The following BAIAP2L1 variants were observed in gnomAD, a reference collection of about 807,000 sequenced individuals.
BAIAP2L1 encodes BAR/IMD domain containing adaptor protein 2 like 1.
BAIAP2L1 carries 35 observed loss-of-function variants against 66.3 expected under a neutral mutation model. That is an observed-to-expected ratio of 0.53 (90% CI 0.40 to 0.70). The LOEUF is 0.70. BAIAP2L1 is among the 30% of genes least tolerant of loss of function. The pLI, the probability that BAIAP2L1 is intolerant of heterozygous loss-of-function variation, is 0.00. For synonymous variants in BAIAP2L1, 269 were observed against 248.7 expected (o/e 1.08, Z -0.77); for missense variants, 622 against 656.9 (o/e 0.95, Z 0.58).
chr7:98,362,820 G>T (rs985227182), intron 1 of BAIAP2L1, among the ~76,000 whole-genome samples: 2 of 152,136 alleles, frequency 1.3e-5, no homozygotes, highest in African/African-American at 4.8e-5. Flanking sequence ...TCAGCTACCT[G>T]TACTTACTTA....
At chr7:98,400,054 C>T (rs1803316805) in intron 1 of BAIAP2L1, 1 of 151,794 alleles carries the variant, frequency 6.6e-6, no homozygotes. Flanking sequence ...GAAACTCGAG[C>T]TTGTGTCTTT....
intron 1 of BAIAP2L1, among the ~76,000 whole-genome samples, chr7:98,373,120 A>G (rs1802547890): frequency 1.3e-5 from 2 of 152,138 alleles, no homozygotes; most frequent in Non-Finnish European, 2.9e-5. Context: ...GACTAACATC[A>G]CCAATACTTG....
At chr7:98,343,918 C>T (rs779820154) in intron 3 of BAIAP2L1, among the ~76,000 whole-genome samples, 5 of 152,204 alleles carry the variant, frequency 3.3e-5, no homozygotes, top group Non-Finnish European at 5.9e-5. Flanking sequence ...CAAAGGCTCA[C>T]GCCTGTAATC....
intron 2 of BAIAP2L1, among the ~76,000 whole-genome samples, chr7:98,359,550 C>A (rs1042092458): frequency 2.6e-5 from 4 of 152,030 alleles, no homozygotes; most frequent in South Asian, 2.1e-4. Flanking sequence ...GGATTACAGG[C>A]GTGAGCCATC....
chr7:98,297,449 CAG>C (rs1399793770), intron 12 of BAIAP2L1, among the ~76,000 whole-genome samples: 1 of 152,130 alleles, frequency 6.6e-6, no homozygotes. Flanking sequence ...GAGGGCAGGA[CAG>C]AGTGAACAGG....
At chr7:98,374,745 T>C (rs6465678) in intron 1 of BAIAP2L1, among the ~76,000 whole-genome samples, 61,399 of 151,808 alleles carry the variant, frequency 0.4, 13,364 homozygotes, top group Middle Eastern at 0.55. Flanking sequence ...TCTGACCCTC[T>C]CTCTCTTCTT....
At chr7:98,345,871 C>T (rs1445949305) in intron 3 of BAIAP2L1, among the ~76,000 whole-genome samples, 2 of 151,630 alleles carry the variant, frequency 1.3e-5, no homozygotes, top group Admixed American at 6.6e-5. Context: ...TGAGAGCCCA[C>T]TTCACACTAC....
chr7:98,329,395 T>A (rs1027432489), intron 3 of BAIAP2L1, among the ~76,000 whole-genome samples: 1 of 152,092 alleles, frequency 6.6e-6, no homozygotes, highest in African/African-American at 2.4e-5. Context: ...GGGCTTGGCA[T>A]GGAGGAGTCT....
chr7:98,331,067 C>A (rs1177867860), intron 3 of BAIAP2L1, among the ~76,000 whole-genome samples: 1 of 152,058 alleles, frequency 6.6e-6, no homozygotes, highest in Non-Finnish European at 1.5e-5. Context: ...TACTAGAAAT[C>A]AAAAACACTG....
intron 8 of BAIAP2L1, among the ~76,000 whole-genome samples, chr7:98,311,532 CTG>C (rs778318006): frequency 1.3e-5 from 2 of 150,992 alleles, no homozygotes; most frequent in African/African-American, 2.4e-5. Context: ...CAGAGCAAGA[CTG>C]TGTCTCAAAA....
At chr7:98,319,906 A>G in intron 5 of BAIAP2L1, 152 bp downstream of exon 5, 5 of 713,418 alleles carry the variant, frequency 7.0e-6, no homozygotes, top group Non-Finnish European at 1.2e-5. Flanking sequence ...ACACAGCCCA[A>G]AGAGAGCTTG....
At chr7:98,371,141 T>C (rs1316990341) in intron 1 of BAIAP2L1, among the ~76,000 whole-genome samples, 1 of 152,112 alleles carries the variant, frequency 6.6e-6, no homozygotes, top group Non-Finnish European at 1.5e-5. Flanking sequence ...GGGCTTAGGA[T>C]ACCAAGTGAA....
chr7:98,329,221 A>G (rs935306334), intron 3 of BAIAP2L1, among the ~76,000 whole-genome samples: 3 of 152,232 alleles, frequency 2.0e-5, no homozygotes, highest in Non-Finnish European at 4.4e-5. Context: ...AATAAGAAAC[A>G]GTAATTCTGA....
At chr7:98,398,924 A>G (rs1803284350) in intron 1 of BAIAP2L1, among the ~76,000 whole-genome samples, 1 of 152,070 alleles carries the variant, frequency 6.6e-6, no homozygotes, top group African/African-American at 2.4e-5. Flanking sequence ...GTATTTTTGC[A>G]CCCCAGTGGA....
chr7:98,369,856 G>C (rs1802471055), intron 1 of BAIAP2L1, among the ~76,000 whole-genome samples: 2 of 151,720 alleles, frequency 1.3e-5, no homozygotes, highest in Admixed American at 1.3e-4. Context: ...TTTTTTAGTA[G>C]AGATGGTGTT....
intron 1 of BAIAP2L1, 70 bp downstream of exon 1, chr7:98,400,732 G>A: frequency 2.7e-6 from 4 of 1,506,144 alleles, no homozygotes; most frequent in Non-Finnish European, 2.7e-6. Context: ...GTACCTTCCC[G>A]CGTAAAGTCC....
In BAIAP2L1 at chr7:98,379,339, G is replaced by A. The variant is rs116016670; in HGVS notation, c.52-16907C>T. Among the ~76,000 whole-genome samples, 903 of 152,280 alleles carry A rather than the reference G, an allele frequency of 5.9e-3. 8 individuals are homozygous for A. The highest frequency in any genetic ancestry group is 0.02 in the African/African-American group (839 of 41,552). ...CCCACGGACGAACCAGCTGCAGGCT[G>A]TACCCTCAGCTCCACCAGCTCATCT... On this transcript the variant is annotated intron_variant, in intron 1 of 13. Coordinates refer to ENST00000005260, the MANE Select transcript of BAIAP2L1 (RefSeq NM_018842.5).
chr7:98,343,273 ACACACACACACACAGAC>A lies in BAIAP2L1; in HGVS notation c.214+11752_214+11768del, dbSNP rs1456607808. Among the ~76,000 whole-genome samples the A allele has an allele frequency of 1.2e-3, 178 of 150,568 alleles. 1 individual carries two copies. The highest frequency in any genetic ancestry group is 4.0e-3 in the African/African-American group (165 of 40,978). ...TACACACACACACACACACACACAC[ACACACACACACACAGAC>A]ACACACACACACTAGCTGGGTGTGG... is the stretch of plus-strand genomic sequence containing the variant. On this transcript the variant is annotated intron_variant, in intron 3 of 13. Transcript: ENST00000005260.
chr7:98,344,020 A>G (rs779174530), intron 3 of BAIAP2L1, among the ~76,000 whole-genome samples: 93 of 152,272 alleles, frequency 6.1e-4, no homozygotes, highest in South Asian at 2.1e-3. Flanking sequence ...CTCTACTAAA[A>G]ATACAAAAAA....
Sources: allele counts gnomAD v4.1 joint callset (sites outside exome capture counted in the v4.1 genomes callset), GRCh38; gene constraint gnomAD v4.1.1; transcripts MANE v1.5; gene names NCBI Gene and HGNC (gene_info 2026-07-23, HGNC 2026-07-21).